MIS18BP1: variants seen among roughly 807,000 people sequenced by gnomAD.
MIS18BP1 encodes MIS18 binding protein 1.
A neutral mutation model predicts 116.1 loss-of-function variants in MIS18BP1; 72 were observed. That is an observed-to-expected ratio of 0.62 (90% CI 0.51 to 0.75). MIS18BP1 has a LOEUF of 0.75. Ranked by LOEUF, MIS18BP1 falls within the 30% of genes least tolerant of loss-of-function variation. MIS18BP1 has a pLI of 0.00. For missense variants in MIS18BP1, 1,363 were observed against 1,303.2 expected (o/e 1.05, Z -0.71); for synonymous variants, 386 against 427.0 (o/e 0.90, Z 1.18).
chr14:45,214,417 T>C (rs921399563), intron 13 of MIS18BP1, among the ~76,000 whole-genome samples: 2 of 152,140 alleles, frequency 1.3e-5, no homozygotes, highest in African/African-American at 2.4e-5. Context: ...TGTTTACATG[T>C]TTTCCTGCTG....
Position 45,247,147 on chromosome 14 carries a change from T to C in MIS18BP1, c.140A>G (p.Lys47Arg). The C allele has an allele frequency of 6.2e-7, 1 of 1,613,042 alleles. No homozygotes were observed. The highest frequency in any genetic ancestry group is 8.5e-7 in the Non-Finnish European group (1 of 1,179,946). ...CAATTTTAAGGAGGAGTTCTGATATTTCACCAAATCTTTTACAGGAGTAAG... is the reference window on the plus strand; with the variant it reads ...CAATTTTAAGGAGGAGTTCTGATATCTCACCAAATCTTTTACAGGAGTAAG... ...GTLTPVKDLV[K>R]YQNSSLKLND... Residue 47 changes from lysine to arginine, a missense_variant, in exon 2 of 17, where the codon AAA becomes AGA. Transcript: ENST00000310806.
chr14:45,206,224 A>G lies in MIS18BP1; in HGVS notation c.3153-54T>C, dbSNP rs1359553303. The G allele has an allele frequency of 3.3e-6, 4 of 1,208,474 alleles. No individual in the cohort carries two copies. The East Asian group carries it at 9.9e-5, about 30-fold the overall frequency. The allele number at this position is 1,208,474 out of a possible 1,614,324, so 74.9% of individuals were successfully genotyped here. The stretch of plus-strand genomic sequence containing the variant: ...AACAATATTTTTAAGTCAACCTAAT[A>G]ATTTTAAGTTAACTGTCATACTTTT... On this transcript the variant is annotated intron_variant, in intron 14 of 16. Coordinates refer to ENST00000310806, the MANE Select transcript of MIS18BP1 (RefSeq NM_018353.5).
chr14:45,246,185 C>T (rs79471798), intron 2 of MIS18BP1, among the ~76,000 whole-genome samples: 11,961 of 152,218 alleles, frequency 0.079, 626 homozygotes, highest in South Asian at 0.16. Flanking sequence ...CAAAACCCTC[C>T]GATGGCTTAT....
chr14:45,231,961 T>C (rs1322217108), intron 7 of MIS18BP1, among the ~76,000 whole-genome samples: 2 of 152,194 alleles, frequency 1.3e-5, no homozygotes, highest in African/African-American at 4.8e-5. Flanking sequence ...AACTGCACAT[T>C]AGTATTTAAT....
rs770992208 is a variant in MIS18BP1 at position 45,224,444 on chromosome 14, C to T, written c.2143G>A (p.Asp715Asn). Reference protein sequence around the residue: ...GHKSKNKEDCDERDLLTVNRK... With the variant: ...GHKSKNKEDCNERDLLTVNRK... ...TTGACAGTAAGTAAGTCACGTTCAT[C>T]GCAATCTTCCTTGTTTTTACTTTTA... The change falls in exon 11 of 17, where the codon GAT becomes AAT. Residue 715 changes from aspartate (D) to asparagine (N), a missense_variant. Transcript: ENST00000310806. The T allele has an allele frequency of 1.1e-5, 17 of 1,613,790 alleles. No homozygotes were observed. Among genetic ancestry groups the T allele is most frequent in the South Asian group, 5.5e-5 (5 of 91,066 alleles).
chr14:45,230,506 T>G (rs1214889035), intron 8 of MIS18BP1, among the ~76,000 whole-genome samples: 2 of 152,214 alleles, frequency 1.3e-5, no homozygotes, highest in African/African-American at 4.8e-5. Flanking sequence ...ACAACAGGTT[T>G]GCGGTAGGTT....
chr14:45,242,446 G>C lies in MIS18BP1; in HGVS notation c.731C>G (p.Ala244Gly). The C allele has an allele frequency of 1.2e-6, 2 of 1,613,350 alleles. No homozygotes were observed. Residue 244 changes from alanine to glycine, a missense_variant, in exon 4 of 17, where the codon GCT becomes GGT. By Grantham distance (60) the Ala-to-Gly change is moderately conservative. Transcript: ENST00000310806. Reference protein sequence around the residue: ...VEARNKTLTRAQLAKQIFHSK... With the variant: ...VEARNKTLTRGQLAKQIFHSK... ...GTGAAAAATTTGTTTAGCCAACTGA[G>C]CTCTAGTTAATGTCTTGTTTCGGGC...
chr14:45,229,341 C>A (rs924560828), intron 8 of MIS18BP1, among the ~76,000 whole-genome samples: 4 of 151,770 alleles, frequency 2.6e-5, no homozygotes, highest in Non-Finnish European at 5.9e-5. Flanking sequence ...CCCATCTCTA[C>A]AAGAAATAAA....
At chr14:45,229,244 G>A (rs1891210098) in intron 8 of MIS18BP1, among the ~76,000 whole-genome samples, 1 of 152,118 alleles carries the variant, frequency 6.6e-6, no homozygotes, top group Non-Finnish European at 1.5e-5. Flanking sequence ...CATGTTTCAT[G>A]TCTATAATCC....
chr14:45,211,763 C>A (rs1013536257), intron 13 of MIS18BP1, among the ~76,000 whole-genome samples: 1 of 152,230 alleles, frequency 6.6e-6, no homozygotes, highest in Non-Finnish European at 1.5e-5. Flanking sequence ...CTGTGAGTGC[C>A]AGCTGCTCAT....
chr14:45,220,834 T>C (rs1196552040), intron 11 of MIS18BP1, among the ~76,000 whole-genome samples: 1 of 152,186 alleles, frequency 6.6e-6, no homozygotes, highest in African/African-American at 2.4e-5. Flanking sequence ...ATTTTCATTT[T>C]TGTTCAGTTA....
chr14:45,209,729 C>T (rs928431647), intron 14 of MIS18BP1, among the ~76,000 whole-genome samples: 1 of 152,194 alleles, frequency 6.6e-6, no homozygotes, highest in Admixed American at 6.5e-5. Flanking sequence ...ATAAGCTGTA[C>T]ATTCACAATT....
At chr14:45,244,788 A>C (rs1332541893) in intron 2 of MIS18BP1, among the ~76,000 whole-genome samples, 1 of 152,214 alleles carries the variant, frequency 6.6e-6, no homozygotes, top group Admixed American at 6.5e-5. Flanking sequence ...TACTTATTTC[A>C]AATTATTTGT....
intron 12 of MIS18BP1, 35 bp from the exon 13 acceptor site, chr14:45,217,214 G>A (rs781268508): frequency 6.2e-7 from 1 of 1,601,684 alleles, no homozygotes; most frequent in Non-Finnish European, 8.5e-7. Flanking sequence ...ATAAGGATTT[G>A]GTTATTTATA....
At chr14:45,207,204 C>G (rs1861158841) in intron 14 of MIS18BP1, among the ~76,000 whole-genome samples, 2 of 152,208 alleles carry the variant, frequency 1.3e-5, no homozygotes, top group African/African-American at 4.8e-5. Flanking sequence ...CATTTCCATA[C>G]TCTCTCTTGG....
rs1301011157 is a variant in MIS18BP1 at position 45,245,469 on chromosome 14, A to C, written c.544+1274T>G. On this transcript the variant is annotated intron_variant, in intron 2 of 16. Transcript: ENST00000310806. ...AACCTCTGCCTCCCGGGTTCAAGCA[A>C]TTCTCCTGCCTTAGCCTCCCGAGTA... Among the ~76,000 whole-genome samples, 19 of 152,072 alleles carry C rather than the reference A, an allele frequency of 1.2e-4. No homozygotes were observed. The East Asian group carries it at 3.7e-3, about 29-fold the overall frequency.
chr14:45,252,281 CCATA>C (rs1891896616), intron 1 of MIS18BP1, among the ~76,000 whole-genome samples: 1 of 152,130 alleles, frequency 6.6e-6, no homozygotes, highest in Admixed American at 6.5e-5. Context: ...CCCGCCACAT[CCATA>C]CAATTTACTC....
At position 45,207,820 on chromosome 14, in the gene MIS18BP1, CAG is replaced by C. The variant is rs892839397; in HGVS notation, c.3153-1652_3153-1651del. 2.2e-4 allele frequency among the ~76,000 whole-genome samples: 33 copies of C among 152,210 alleles called. 3 individuals carry two copies. The highest frequency in any genetic ancestry group is 6.3e-4 in the African/African-American group (26 of 41,524). Reference sequence around the variant, plus strand: ...CGTCAATTACTAGAGCTAGTAAAGTCAGAGAGAGTGAAGAAGCCTAAGAAAAT... The same window carrying C: ...CGTCAATTACTAGAGCTAGTAAAGTCAGAGAGTGAAGAAGCCTAAGAAAAT... On this transcript the variant is annotated intron_variant, in intron 14 of 16. Transcript: ENST00000310806.
intron 4 of MIS18BP1, among the ~76,000 whole-genome samples, chr14:45,240,533 AAT>A (rs952302112): frequency 2.6e-5 from 4 of 151,930 alleles, no homozygotes; most frequent in South Asian, 2.1e-4. Context: ...ATAGCTCTCC[AAT>A]ATGTTTCCAG....
Sources: allele counts gnomAD v4.1 joint callset (sites outside exome capture counted in the v4.1 genomes callset), GRCh38; gene constraint gnomAD v4.1.1; transcripts MANE v1.5; gene names NCBI Gene and HGNC (gene_info 2026-07-23, HGNC 2026-07-21).